Variants in DDHD1 observed in about 807,000 individuals in gnomAD.
DDHD1 encodes the protein DDHD domain containing 1.
A neutral mutation model predicts 96.4 loss-of-function variants in DDHD1; 49 were observed. The observed-to-expected ratio is 0.51, with a 90% confidence interval of 0.40 to 0.64. The LOEUF is 0.64. Among genes scored for constraint, DDHD1 ranks in the 30% least tolerant of loss-of-function variants. DDHD1 has a pLI of 0.00. For synonymous variants in DDHD1, 442 were observed against 446.5 expected (o/e 0.99, Z 0.13); for missense variants, 1,106 against 1,161.2 (o/e 0.95, Z 0.69).
chr14:53,153,085 C>G lies in DDHD1; in HGVS notation c.14G>C (p.Gly5Ala), dbSNP rs1184854729. The change falls in exon 1 of 13, where the codon GGC (glycine) becomes GCC (alanine). Residue 5 changes from glycine (G) to alanine (A), a missense_variant. By Grantham distance (60) the Gly-to-Ala change is moderately conservative. Coordinates refer to ENST00000673822, the MANE Select transcript of DDHD1 (RefSeq NM_001160148.2). MNYP[G>A]RGSPRSPEHN... ...CTCGGGGCTCCGTGGGGACCCGCGGCCCGGGTAATTCATGCTGTGGAGACG... is the reference window on the plus strand; with the variant it reads ...CTCGGGGCTCCGTGGGGACCCGCGGGCCGGGTAATTCATGCTGTGGAGACG... 15 of 1,440,684 alleles carry G rather than the reference C, an allele frequency of 1.0e-5. No individual in the cohort carries two copies. The highest frequency in any genetic ancestry group is 1.3e-5 in the Non-Finnish European group (14 of 1,109,700). The allele number at this position is 1,440,684 out of a possible 1,614,324, so 89.2% of individuals were successfully genotyped here. A position where few individuals can be genotyped will look rare whatever the true frequency, so the allele number is the denominator to read the frequency against.
At chr14:53,120,300 G>A (rs1888887424) in intron 1 of DDHD1, among the ~76,000 whole-genome samples, 2 of 152,154 alleles carry the variant, frequency 1.3e-5, no homozygotes, top group South Asian at 4.1e-4. Context: ...AAATAAAAAC[G>A]ACACAAATAA....
chr14:53,150,925 T>C (rs933011948), intron 1 of DDHD1, among the ~76,000 whole-genome samples: 1 of 152,234 alleles, frequency 6.6e-6, no homozygotes, highest in Non-Finnish European at 1.5e-5. Flanking sequence ...TCACTAAATC[T>C]GACCTTATAA....
At chr14:53,124,192 G>A (rs1165978706) in intron 1 of DDHD1, among the ~76,000 whole-genome samples, 7 of 150,950 alleles carry the variant, frequency 4.6e-5, no homozygotes, top group African/African-American at 1.7e-4. Flanking sequence ...CCGAGATCAC[G>A]CCAGTGCACT....
chr14:53,093,499 T>G (rs1886612450), intron 2 of DDHD1, 55 bp from the exon 3 acceptor site: 1 of 1,583,156 alleles, frequency 6.3e-7, no homozygotes, highest in Non-Finnish European at 8.5e-7. Context: ...CTTTATTTGT[T>G]TGAAGAATTA....
intron 6 of DDHD1, 60 bp downstream of exon 6, chr14:53,072,537 C>G (rs1428396277): frequency 1.1e-6 from 1 of 919,292 alleles, no homozygotes; most frequent in Non-Finnish European, 1.6e-6. Context: ...TGTAAAAATT[C>G]AGGACATTTA....
rs953174170 is a variant in DDHD1 at position 53,100,519 on chromosome 14, A to T, written c.1012+3164T>A. ...GTATGCTCACAGGTTACATGCAAAT[A>T]CCACTCCATTTTATTAAAGGGACTT... On this transcript the variant is annotated intron_variant, in intron 2 of 12. Coordinates refer to ENST00000673822, the MANE Select transcript of DDHD1 (RefSeq NM_001160148.2). Among the ~76,000 whole-genome samples the T allele has an allele frequency of 9.2e-5, 14 of 152,178 alleles. No homozygotes were observed. The South Asian group carries it at 1.7e-3, about 18-fold the overall frequency.
chr14:53,111,446 T>C (rs1888099229), intron 1 of DDHD1, among the ~76,000 whole-genome samples: 4 of 152,260 alleles, frequency 2.6e-5, no homozygotes, highest in Admixed American at 1.3e-4. Context: ...CTCTTCCTTC[T>C]TCCCTGTAGT....
chr14:53,151,087 C>T (rs751117175), intron 1 of DDHD1, among the ~76,000 whole-genome samples: 1 of 152,222 alleles, frequency 6.6e-6, no homozygotes, highest in Non-Finnish European at 1.5e-5. Flanking sequence ...ATCAGAATCA[C>T]TGATGCAATT....
chr14:53,112,108 C>T (rs1888154499), intron 1 of DDHD1, among the ~76,000 whole-genome samples: 1 of 152,086 alleles, frequency 6.6e-6, no homozygotes, highest in South Asian at 2.1e-4. Flanking sequence ...CTGTATCAGT[C>T]TTAGATGAAT....
intron 4 of DDHD1, among the ~76,000 whole-genome samples, chr14:53,088,648 C>T (rs1257772327): frequency 6.6e-6 from 1 of 152,166 alleles, no homozygotes; most frequent in Admixed American, 6.5e-5. Context: ...TCTCAATAAA[C>T]TAGGTATTGA....
intron 9 of DDHD1, among the ~76,000 whole-genome samples, chr14:53,057,918 C>A (rs997915811): frequency 1.6e-4 from 25 of 151,696 alleles, no homozygotes; most frequent in African/African-American, 5.8e-4. Context: ...GGCACAATCT[C>A]GGCTAACCGC....
chr14:53,152,124 A>AGGTGTAG, intron 1 of DDHD1, 137 bp downstream of exon 1: 12 of 842,762 alleles, frequency 1.4e-5, no homozygotes, highest in Admixed American at 3.7e-5. Flanking sequence ...CTCCCTGCTC[A>AGGTGTAG]ATCTCCATCC....
At chr14:53,089,508 C>T (rs903458552) in intron 4 of DDHD1, among the ~76,000 whole-genome samples, 23 of 152,132 alleles carry the variant, frequency 1.5e-4, no homozygotes, top group African/African-American at 5.6e-4. Flanking sequence ...AGAAATAACA[C>T]CACACATCTA....
intron 1 of DDHD1, among the ~76,000 whole-genome samples, chr14:53,130,625 G>A (rs1259223423): frequency 6.6e-6 from 1 of 152,218 alleles, no homozygotes; most frequent in Non-Finnish European, 1.5e-5. Context: ...CTGAACTGCA[G>A]CAGCCAGGCA....
In DDHD1 at chr14:53,144,774, A is replaced by G. The variant is rs781141166; in HGVS notation, c.838+7487T>C. 2.6e-5 allele frequency among the ~76,000 whole-genome samples: 4 copies of G among 152,216 alleles called. 1 individual carries two copies. The highest frequency in any genetic ancestry group is 4.1e-4 in the South Asian group (2 of 4,830). On this transcript the variant is annotated intron_variant, in intron 1 of 12. Coordinates refer to ENST00000673822, the MANE Select transcript of DDHD1 (RefSeq NM_001160148.2). ...GTAGTTGCAGTAAGTTGTAAAATCT[A>G]AGAGTGGGATTGCATTTAACTAAAT...
chr14:53,089,564 A>G (rs998531353), intron 4 of DDHD1, among the ~76,000 whole-genome samples: 3 of 152,230 alleles, frequency 2.0e-5, no homozygotes, highest in Non-Finnish European at 4.4e-5. Flanking sequence ...AGAAATGGGG[A>G]AAGGATTCCC....
chr14:53,073,481 A>G (rs1158418490), intron 5 of DDHD1, among the ~76,000 whole-genome samples: 1 of 152,072 alleles, frequency 6.6e-6, no homozygotes, highest in African/African-American at 2.4e-5. Context: ...TCCACCTGCC[A>G]CAATCCAGAG....
At chr14:53,133,331 A>G (rs1251113973) in intron 1 of DDHD1, among the ~76,000 whole-genome samples, 1 of 152,144 alleles carries the variant, frequency 6.6e-6, no homozygotes, top group African/African-American at 2.4e-5. Flanking sequence ...CCTTTCCCAC[A>G]CGGTCTGAGA....
At chr14:53,111,792 C>T (rs1888128769) in intron 1 of DDHD1, among the ~76,000 whole-genome samples, 1 of 147,998 alleles carries the variant, frequency 6.8e-6, no homozygotes, top group Admixed American at 6.7e-5. Context: ...TTTGCAACCT[C>T]ATTTCTTTAC....
Sources: allele counts gnomAD v4.1 joint callset (sites outside exome capture counted in the v4.1 genomes callset), GRCh38; gene constraint gnomAD v4.1.1; transcripts MANE v1.5; gene names NCBI Gene and HGNC (gene_info 2026-07-23, HGNC 2026-07-21).